The following PRMT9 variants were observed in gnomAD, a reference collection of about 807,000 sequenced individuals.
PRMT9 encodes the protein protein arginine N-methyltransferase 9.
Under a neutral mutation model 83.2 loss-of-function variants are expected in PRMT9, and 59 were observed. The observed-to-expected ratio is 0.71, with a 90% CI of 0.57 to 0.88. The LOEUF is 0.88. Ranked by LOEUF, PRMT9 falls within the 40% of genes least tolerant of loss-of-function variation. The pLI, the probability that PRMT9 is intolerant of heterozygous loss-of-function variation, is 0.00. For synonymous variants in PRMT9, 333 were observed against 353.2 expected (o/e 0.94, Z 0.64); for missense variants, 947 against 1,021.9 (o/e 0.93, Z 1.00).
chr4:147,666,412 TCTAA>T (rs1735333017), intron 6 of PRMT9, among the ~76,000 whole-genome samples: 3 of 152,172 alleles, frequency 2.0e-5, no homozygotes, highest in Admixed American at 6.5e-5. Flanking sequence ...AAAGTAGGGA[TCTAA>T]CTTTTTTCCC....
chr4:147,663,099 C>A (rs935096221), intron 6 of PRMT9, among the ~76,000 whole-genome samples: 1 of 150,458 alleles, frequency 6.6e-6, no homozygotes, highest in Non-Finnish European at 1.5e-5. Flanking sequence ...AGCTCAGCCT[C>A]CCCAGTTCAC....
intron 6 of PRMT9, among the ~76,000 whole-genome samples, chr4:147,663,663 G>T (rs28437023): frequency 0.012 from 1,752 of 152,244 alleles, 40 homozygotes; most frequent in African/African-American, 0.04. Context: ...ACTGCGCCCA[G>T]CCAGACAATT....
chr4:147,655,582 C>T (rs566065270), intron 8 of PRMT9, among the ~76,000 whole-genome samples: 3 of 152,254 alleles, frequency 2.0e-5, no homozygotes, highest in African/African-American at 7.2e-5. Context: ...CAGTGTCTTG[C>T]TTTGTTGCCT....
At chr4:147,682,961 T>G (rs969773320) in intron 1 of PRMT9, among the ~76,000 whole-genome samples, 1 of 152,166 alleles carries the variant, frequency 6.6e-6, no homozygotes, top group African/African-American at 2.4e-5. Flanking sequence ...AGTGCTGAGG[T>G]TGACAAACCC....
intron 3 of PRMT9, among the ~76,000 whole-genome samples, chr4:147,673,384 G>T (rs528882976): frequency 5.9e-5 from 9 of 152,104 alleles, no homozygotes; most frequent in African/African-American, 2.2e-4. Flanking sequence ...TAGACAACTA[G>T]ATTCCATCAG....
rs750410920 is a variant in PRMT9 at position 147,660,913 on chromosome 4, A to G, written c.1079T>C (p.Val360Ala). ...TGTCAAAGCCAAATATCCTCCAGGA[A>G]CTCGACTCATCTTTTCAGTTGTATA... Reference protein sequence around the residue: ...EPYTTEKMSRVPGGYLALTEC... With the variant: ...EPYTTEKMSRAPGGYLALTEC... The change falls in exon 7 of 12, where the codon GTT (valine) becomes GCT (alanine). Residue 360 changes from valine to alanine, a missense_variant. Transcript: ENST00000322396. 6.2e-7 allele frequency: 1 copy of G among 1,613,670 alleles called. No individual in the cohort carries two copies. The highest frequency in any genetic ancestry group is 8.5e-7 in the Non-Finnish European group (1 of 1,179,676).
intron 6 of PRMT9, among the ~76,000 whole-genome samples, chr4:147,668,178 T>C (rs1367211301): frequency 6.6e-6 from 1 of 152,218 alleles, no homozygotes; most frequent in African/African-American, 2.4e-5. Context: ...CACCCAAATC[T>C]CATCTCAAAT....
chr4:147,681,135 C>T (rs576007690), intron 1 of PRMT9, among the ~76,000 whole-genome samples: 9 of 152,344 alleles, frequency 5.9e-5, no homozygotes, highest in African/African-American at 1.9e-4. Flanking sequence ...AAGATTAAGA[C>T]ACCACTCAAC....
intron 10 of PRMT9, among the ~76,000 whole-genome samples, chr4:147,640,723 CTTTA>C (rs767203165): frequency 5.1e-4 from 78 of 152,180 alleles, no homozygotes; most frequent in African/African-American, 1.8e-3. Context: ...AAAATTCTAC[CTTTA>C]TTTATTTTTA....
intron 9 of PRMT9, among the ~76,000 whole-genome samples, chr4:147,651,102 CA>C (rs1191495479): frequency 1.4e-4 from 19 of 140,294 alleles, no homozygotes; most frequent in East Asian, 4.1e-4. Context: ...GACTCCATCT[CA>C]AAAAAAAAAG....
At chr4:147,657,280 C>G (rs190839461) in intron 8 of PRMT9, among the ~76,000 whole-genome samples, 280 of 152,212 alleles carry the variant, frequency 1.8e-3, no homozygotes, top group African/African-American at 6.4e-3. Flanking sequence ...AATCCCAGCA[C>G]TTTGGGAGGC....
At chr4:147,657,009 CA>C (rs576435328) in intron 8 of PRMT9, among the ~76,000 whole-genome samples, 10 of 146,914 alleles carry the variant, frequency 6.8e-5, no homozygotes, top group South Asian at 2.1e-4. Flanking sequence ...AATTTCCATA[CA>C]AAAAAAAAAT....
intron 10 of PRMT9, 152 bp from the exon 11 acceptor site, chr4:147,639,234 T>C: frequency 1.5e-6 from 1 of 653,066 alleles, no homozygotes; most frequent in East Asian, 2.9e-5. Context: ...ACCTCCTTTA[T>C]ATTCCCACAT....
Position 147,646,770 on chromosome 4 carries a change from A to G in PRMT9, c.2046-3830T>C, listed in dbSNP as rs1472995202. On this transcript the variant is annotated intron_variant, in intron 9 of 11. Coordinates refer to ENST00000322396, the MANE Select transcript of PRMT9 (RefSeq NM_138364.4). ...AATTCTGACACTACCTGGAGTTAGC[A>G]TCAGGTGCTATAAAAGCTCAGTCCC... Among the ~76,000 whole-genome samples, 13 of 152,310 alleles carry G rather than the reference A, an allele frequency of 8.5e-5. No homozygotes were observed. The East Asian group carries it at 2.5e-3, about 29-fold the overall frequency.
chr4:147,638,728 C>G lies in PRMT9; in HGVS notation c.2342G>C (p.Gly781Ala). 1 of 1,611,934 alleles carries G rather than the reference C, an allele frequency of 6.2e-7. No individual in the cohort carries two copies. Among genetic ancestry groups the G allele is most frequent in the Admixed American group, 1.7e-5 (1 of 59,948 alleles). The change falls in exon 12 of 12, where the codon GGA (glycine) becomes GCA (alanine). Residue 781 changes from glycine to alanine, a missense_variant. Transcript: ENST00000322396. ...CCAAAATGGAATAGCAGTCAGTCTT[C>G]CAGATTTACAAACGTATACCTATGA... ...REVKVYVCKS[G>A]RLTAIPFWYH... is the part of the protein sequence containing the mutation.
intron 9 of PRMT9, among the ~76,000 whole-genome samples, chr4:147,651,136 A>G (rs1219009383): frequency 1.3e-5 from 2 of 151,954 alleles, no homozygotes; most frequent in African/African-American, 4.8e-5. Context: ...ATATAAATAA[A>G]CCCACAAATT....
At chr4:147,665,777 C>CT (rs1265627481) in intron 6 of PRMT9, among the ~76,000 whole-genome samples, 1 of 152,128 alleles carries the variant, frequency 6.6e-6, no homozygotes, top group East Asian at 1.9e-4. Flanking sequence ...ATACATGTAC[C>CT]TTAACCATTT....
At chr4:147,677,377 C>A (rs1197901754) in intron 2 of PRMT9, among the ~76,000 whole-genome samples, 1 of 150,950 alleles carries the variant, frequency 6.6e-6, no homozygotes, top group South Asian at 2.1e-4. Context: ...AAACTCACTA[C>A]TACTTTGTTT....
At chr4:147,669,362 G>C (rs1175270600) in intron 5 of PRMT9, among the ~76,000 whole-genome samples, 2 of 152,098 alleles carry the variant, frequency 1.3e-5, no homozygotes, top group Non-Finnish European at 2.9e-5. Flanking sequence ...GGGCAAGAGA[G>C]TGAGACCCCA....
Sources: gnomAD v4.1 joint callset for allele counts (sites outside exome capture counted in the v4.1 genomes callset) on GRCh38, gnomAD v4.1.1 for gene constraint, MANE v1.5 for transcripts, NCBI Gene and HGNC (gene_info 2026-07-23, HGNC 2026-07-21) for gene names.